The following ACOXL variants were observed in gnomAD, a reference collection of about 807,000 sequenced individuals.
ACOXL encodes the protein acyl-coenzyme A oxidase-like protein.
Under a neutral mutation model 71.9 loss-of-function variants are expected in ACOXL, and 70 were observed. The observed-to-expected ratio is 0.97, with a 90% confidence interval of 0.80 to 1.19. The LOEUF (loss-of-function observed/expected upper bound fraction) is 1.19. Among genes scored for constraint, ACOXL ranks in the 50% most tolerant of loss-of-function variants. The pLI is 0.00. For synonymous variants in ACOXL, 253 were observed against 281.6 expected, an observed-to-expected ratio of 0.90 and a Z score of 1.02; for missense variants, 703 against 736.3, an observed-to-expected ratio of 0.95 and a Z score of 0.52.
chr2:110,913,857 G>A (rs976993543), intron 11 of ACOXL, among the ~76,000 whole-genome samples: 1 of 152,120 alleles, frequency 6.6e-6, no homozygotes, highest in African/African-American at 2.4e-5. Context: ...GAAACAATTA[G>A]ATTTTGTGAG....
chr2:110,780,749 G>A (rs1683217345), intron 2 of ACOXL, among the ~76,000 whole-genome samples: 1 of 152,086 alleles, frequency 6.6e-6, no homozygotes, highest in African/African-American at 2.4e-5. Flanking sequence ...AGAAGTGTTA[G>A]GCTGGGGACG....
At chr2:111,014,927 A>C (rs2149684398) in intron 14 of ACOXL, among the ~76,000 whole-genome samples, 1 of 152,346 alleles carries the variant, frequency 6.6e-6, no homozygotes, top group African/African-American at 2.4e-5. Context: ...AAATAAATTA[A>C]CTGTGACCTT....
intron 1 of ACOXL, among the ~76,000 whole-genome samples, chr2:110,756,209 C>G (rs796218556): frequency 3.9e-5 from 6 of 152,272 alleles, no homozygotes; most frequent in Non-Finnish European, 7.4e-5. Flanking sequence ...TCACTGCAAC[C>G]TCCGCCTCCC....
intron 10 of ACOXL, among the ~76,000 whole-genome samples, chr2:110,883,262 A>C (rs993881179): frequency 6.6e-6 from 1 of 152,032 alleles, no homozygotes; most frequent in Non-Finnish European, 1.5e-5. Flanking sequence ...GGCATATGCC[A>C]CCATGCCTAG....
chr2:110,747,339 G>A (rs1348142035), intron 1 of ACOXL, among the ~76,000 whole-genome samples: 1 of 152,128 alleles, frequency 6.6e-6, no homozygotes, highest in Admixed American at 6.5e-5. Context: ...CAGAAACAAG[G>A]AGCCTGCAAG....
At chr2:111,001,412 C>CAAAACAA in intron 14 of ACOXL, among the ~76,000 whole-genome samples, 1 of 139,462 alleles carries the variant, frequency 7.2e-6, no homozygotes, top group Non-Finnish European at 1.6e-5. Context: ...CAAAACAAAA[C>CAAAACAA]AAAAAAACCC....
intron 10 of ACOXL, among the ~76,000 whole-genome samples, chr2:110,907,711 G>T (rs922843669): frequency 6.6e-6 from 1 of 152,136 alleles, no homozygotes; most frequent in African/African-American, 2.4e-5. Flanking sequence ...CTTATCATTT[G>T]TCCTCACCAC....
chr2:110,899,078 A>G (rs1235794777), intron 10 of ACOXL, among the ~76,000 whole-genome samples: 1 of 152,356 alleles, frequency 6.6e-6, no homozygotes, highest in East Asian at 1.9e-4. Flanking sequence ...GAAAGAAATC[A>G]AAGATCTAAA....
At chr2:110,934,328 A>G (rs1229250605) in intron 12 of ACOXL, among the ~76,000 whole-genome samples, 1 of 152,160 alleles carries the variant, frequency 6.6e-6, no homozygotes, top group African/African-American at 2.4e-5. Context: ...GTGGCACGGC[A>G]GGACTGCAGG....
In ACOXL at chr2:110,744,110, GGAGAAAGAGAGAGAGA is replaced by G. The variant is rs925537248; in HGVS notation, c.-23+11353_-23+11368del. Among the ~76,000 whole-genome samples, 8 of 152,124 alleles carry G rather than the reference GGAGAAAGAGAGAGAGA, an allele frequency of 5.3e-5. 1 individual carries two copies. Among genetic ancestry groups the G allele is most frequent in the Non-Finnish European group, 7.4e-5 (5 of 68,024 alleles). On this transcript the variant is annotated intron_variant, in intron 1 of 17. Transcript: ENST00000439055. ...GAACTCTGGCTGATACCTGCTCAGT[GGAGAAAGAGAGAGAGA>G]GAGAAAGAGAGAGAGAAGAGAGAGA...
intron 2 of ACOXL, among the ~76,000 whole-genome samples, chr2:110,771,450 C>T (rs947842748): frequency 2.6e-5 from 4 of 152,122 alleles, no homozygotes; most frequent in Non-Finnish European, 1.5e-5. Context: ...CCGATGAGCT[C>T]TGAGGCAGAA....
intron 15 of ACOXL, among the ~76,000 whole-genome samples, chr2:111,035,942 G>A (rs887913094): frequency 3.3e-5 from 5 of 152,138 alleles, no homozygotes; most frequent in African/African-American, 9.7e-5. Flanking sequence ...AGGAAATTAC[G>A]GGAATATCCC....
chr2:111,035,674 TA>T (rs2065477458), intron 15 of ACOXL, among the ~76,000 whole-genome samples: 1 of 152,250 alleles, frequency 6.6e-6, no homozygotes, highest in African/African-American at 2.4e-5. Flanking sequence ...TTAGAATATA[TA>T]ATAATGTGGA....
At chr2:110,825,709 G>GT (rs971147089) in intron 9 of ACOXL, among the ~76,000 whole-genome samples, 2 of 152,076 alleles carry the variant, frequency 1.3e-5, no homozygotes, top group African/African-American at 4.8e-5. Flanking sequence ...CGTTTGCAAG[G>GT]TTTTTTGTTT....
intron 14 of ACOXL, among the ~76,000 whole-genome samples, chr2:111,027,316 A>G (rs2065058607): frequency 6.9e-6 from 1 of 145,068 alleles, no homozygotes; most frequent in Non-Finnish European, 1.5e-5. Context: ...TGATTTAAAG[A>G]AAATTATTCT....
At chr2:110,858,382 C>T (rs1284343110) in intron 10 of ACOXL, among the ~76,000 whole-genome samples, 1 of 152,018 alleles carries the variant, frequency 6.6e-6, no homozygotes, top group Non-Finnish European at 1.5e-5. Flanking sequence ...GTGGAAGTTC[C>T]GCATCTCGTT....
intron 13 of ACOXL, among the ~76,000 whole-genome samples, chr2:110,993,432 C>T (rs1217963940): frequency 6.6e-6 from 1 of 152,160 alleles, no homozygotes; most frequent in Non-Finnish European, 1.5e-5. Flanking sequence ...TGGCATAATA[C>T]TTTTTGACAT....
chr2:110,976,901 C>T (rs766701596), intron 12 of ACOXL, among the ~76,000 whole-genome samples: 9 of 152,122 alleles, frequency 5.9e-5, no homozygotes, highest in Non-Finnish European at 1.3e-4. Flanking sequence ...TAAAGCATGA[C>T]ATGAGAATGT....
At chr2:110,951,936 CTA>C (rs1351736369) in intron 12 of ACOXL, among the ~76,000 whole-genome samples, 1 of 152,186 alleles carries the variant, frequency 6.6e-6, no homozygotes, top group Non-Finnish European at 1.5e-5. Context: ...TTGGCCTCTG[CTA>C]TTCCTTTCTA....
Sources: gnomAD v4.1 joint callset for allele counts (sites outside exome capture counted in the v4.1 genomes callset) on GRCh38, gnomAD v4.1.1 for gene constraint, MANE v1.5 for transcripts, NCBI Gene and HGNC (gene_info 2026-07-23, HGNC 2026-07-21) for gene names.